Variants in ZC3H12B observed in about 807,000 individuals in gnomAD.
ZC3H12B encodes probable ribonuclease ZC3H12B.
In ZC3H12B, 7 loss-of-function variants were observed where a neutral mutation model predicts 43.9. The observed-to-expected ratio is 0.16, with a 90% confidence interval of 0.09 to 0.30. The LOEUF is 0.30. Ranked by LOEUF, ZC3H12B falls within the 10% of genes least tolerant of loss-of-function variation. The pLI is 1.00. For synonymous variants in ZC3H12B, 222 were observed against 241.7 expected (o/e 0.92, Z 0.76); for missense variants, 475 against 670.2 (o/e 0.71, Z 3.22).
At chrX:65,286,261 C>A in the ZC3H12B span, among the ~76,000 whole-genome samples, 1 of 111,919 alleles carries the variant, frequency 8.9e-6, no homozygotes, top group Non-Finnish European at 1.9e-5. Flanking sequence ...GTGTCCTTTG[C>A]AGCAACATGG....
chrX:65,176,028 C>T, the ZC3H12B span, among the ~76,000 whole-genome samples: 2 of 111,641 alleles, frequency 1.8e-5, no homozygotes, highest in African/African-American at 6.5e-5. Flanking sequence ...CCTGGAACAC[C>T]AGTGAGACAG....
At chrX:65,134,816 G>A in the ZC3H12B span, among the ~76,000 whole-genome samples, 1 of 111,536 alleles carries the variant, frequency 9.0e-6, no homozygotes, top group Non-Finnish European at 1.9e-5. Flanking sequence ...AAAAGAGTCA[G>A]CAAAGGGAGT....
the ZC3H12B span, among the ~76,000 whole-genome samples, chrX:65,180,630 A>ATT: frequency 9.0e-6 from 1 of 111,621 alleles, no homozygotes; most frequent in Non-Finnish European, 1.9e-5. Flanking sequence ...ATAGACAAAC[A>ATT]GAGAGCCAAA....
At chrX:65,218,657 G>T in the ZC3H12B span, among the ~76,000 whole-genome samples, 2 of 110,575 alleles carry the variant, frequency 1.8e-5, no homozygotes, top group African/African-American at 6.6e-5. Flanking sequence ...CACAGCAGCC[G>T]CAACAAGCCC....
chrX:65,287,526 C>A, the ZC3H12B span, among the ~76,000 whole-genome samples: 1 of 110,526 alleles, frequency 9.0e-6, no homozygotes, highest in African/African-American at 3.3e-5. Context: ...GGGGCCGAGG[C>A]AGGTCTAGGA....
chrX:65,426,349 T>A (rs2067081803), intron 3 of ZC3H12B, among the ~76,000 whole-genome samples: 2 of 104,507 alleles, frequency 1.9e-5, no homozygotes, highest in African/African-American at 3.5e-5. Flanking sequence ...CTTTTCTTCT[T>A]TATTATTCTG....
At chrX:65,299,077 G>A in the ZC3H12B span, among the ~76,000 whole-genome samples, 2 of 111,233 alleles carry the variant, frequency 1.8e-5, no homozygotes, top group African/African-American at 6.5e-5. Context: ...ATTTGGGTGG[G>A]GACACAAAGC....
chrX:65,281,555 T>A, the ZC3H12B span, among the ~76,000 whole-genome samples: 1 of 112,327 alleles, frequency 8.9e-6, no homozygotes, highest in African/African-American at 3.2e-5. Flanking sequence ...GACAAATGTT[T>A]CACAAACACT....
chrX:65,483,573 A>G (rs2068089658), intron 3 of ZC3H12B, among the ~76,000 whole-genome samples: 1 of 111,590 alleles, frequency 9.0e-6, no homozygotes, highest in African/African-American at 3.3e-5. Flanking sequence ...GATGGGCTAT[A>G]TAAGTCATAA....
the ZC3H12B span, among the ~76,000 whole-genome samples, chrX:65,158,671 AG>A: frequency 1.8e-5 from 2 of 111,382 alleles, no homozygotes; most frequent in East Asian, 5.6e-4. Flanking sequence ...TCTGGATATT[AG>A]CCCTTTGTCA....
the ZC3H12B span, among the ~76,000 whole-genome samples, chrX:65,118,062 T>C: frequency 6.3e-5 from 7 of 111,739 alleles, no homozygotes; most frequent in Admixed American, 1.9e-4. Context: ...TTTGGTTCCA[T>C]ATGAGCTTTA....
the ZC3H12B span, among the ~76,000 whole-genome samples, chrX:65,154,905 G>T: frequency 1.8e-5 from 2 of 110,543 alleles, no homozygotes; most frequent in East Asian, 2.8e-4. Context: ...TGCTTGTAGG[G>T]TTTTTAAATG....
the ZC3H12B span, among the ~76,000 whole-genome samples, chrX:65,095,464 A>G: frequency 9.0e-6 from 1 of 111,044 alleles, no homozygotes; most frequent in Non-Finnish European, 1.9e-5. Flanking sequence ...GGAAAGAGAG[A>G]GAGGCAAATT....
exon 5 of ZC3H12B, chrX:65,502,837 C>T: frequency 2.5e-6 from 3 of 1,210,825 alleles, no homozygotes; most frequent in Non-Finnish European, 3.4e-6. Context: ...ATGAGAGCAA[C>T]CCCGTGAGGC....
At chrX:65,149,998 T>A in the ZC3H12B span, among the ~76,000 whole-genome samples, 4 of 109,723 alleles carry the variant, frequency 3.6e-5, no homozygotes, top group South Asian at 1.6e-3. Context: ...TTAAAAACTA[T>A]TACCATAACA....
chrX:65,323,161 G>A, the ZC3H12B span, among the ~76,000 whole-genome samples: 777 of 112,023 alleles, frequency 6.9e-3, 4 homozygotes, highest in Non-Finnish European at 0.01. Flanking sequence ...TGATAACTCT[G>A]GCAAGGACTT....
the ZC3H12B span, among the ~76,000 whole-genome samples, chrX:65,170,289 A>T: frequency 9.0e-6 from 1 of 111,472 alleles, no homozygotes; most frequent in Non-Finnish European, 1.9e-5. Context: ...TCCTTCACTT[A>T]TGAAGCTTAA....
chrX:65,170,249 C>A, the ZC3H12B span, among the ~76,000 whole-genome samples: 1,135 of 111,488 alleles, frequency 0.01, 4 homozygotes, highest in Non-Finnish European at 0.015. Flanking sequence ...AATCTCTCAG[C>A]ACTTGTTTGT....
the ZC3H12B span, among the ~76,000 whole-genome samples, chrX:65,151,656 AC>A: frequency 8.9e-6 from 1 of 111,894 alleles, no homozygotes; most frequent in Admixed American, 9.5e-5. Flanking sequence ...GTGAATACAA[AC>A]GAGGGACTTG....
Sources: gnomAD v4.1 joint callset for allele counts (sites outside exome capture counted in the v4.1 genomes callset) on GRCh38, gnomAD v4.1.1 for gene constraint, MANE v1.5 for transcripts, NCBI Gene and HGNC (gene_info 2026-07-23, HGNC 2026-07-21) for gene names.